KIF24: variants seen among roughly 807,000 people sequenced by gnomAD.
KIF24 encodes the protein kinesin-like protein KIF24.
A neutral mutation model predicts 118.9 loss-of-function variants in KIF24; 81 were observed. That is an observed-to-expected ratio of 0.68 (90% CI 0.57 to 0.82). The LOEUF (loss-of-function observed/expected upper bound fraction) is 0.82. KIF24 is among the 40% of genes least tolerant of loss of function. KIF24 has a pLI of 0.00. For missense variants in KIF24, 1,560 were observed against 1,661.6 expected (o/e 0.94, Z 1.06); for synonymous variants, 599 against 610.0 (o/e 0.98, Z 0.27).
intron 2 of KIF24, among the ~76,000 whole-genome samples, chr9:34,307,773 C>T (rs1836982923): frequency 6.8e-6 from 1 of 146,790 alleles, no homozygotes; most frequent in Non-Finnish European, 1.5e-5. Flanking sequence ...CTTAGCTGGG[C>T]ATGCTCACTT....
intron 6 of KIF24, among the ~76,000 whole-genome samples, chr9:34,284,463 T>C (rs777635054): frequency 2.6e-5 from 4 of 152,150 alleles, no homozygotes; most frequent in African/African-American, 4.8e-5. Flanking sequence ...GGAGAATGGA[T>C]AAATTGTGGT....
intron 3 of KIF24, among the ~76,000 whole-genome samples, chr9:34,302,458 C>T (rs1368445883): frequency 7.2e-6 from 1 of 139,680 alleles, no homozygotes; most frequent in Non-Finnish European, 1.6e-5. Flanking sequence ...TACATGTCAC[C>T]ACGCTTGGCA....
At chr9:34,329,950 T>G (rs1186232924), upstream of KIF24, among the ~76,000 whole-genome samples, 1 of 152,238 alleles carries the variant, frequency 6.6e-6, no homozygotes, top group African/African-American at 2.4e-5. Context: ...CAGTTTCACT[T>G]GTTGCTACCC....
At position 34,277,387 on chromosome 9, in the gene KIF24, T is replaced by C. The variant is rs539847551; in HGVS notation, c.1216-5457A>G. Among the ~76,000 whole-genome samples the C allele has an allele frequency of 3.7e-4, 57 of 152,352 alleles. 1 individual carries two copies. The highest frequency in any genetic ancestry group is 1.2e-3 in the African/African-American group (50 of 41,580). ...GGAATAGAAGCCAGATATCCTCTTCTACATGTGAGTAATGATGTTACTAAT... is the reference window on the plus strand; with the variant it reads ...GGAATAGAAGCCAGATATCCTCTTCCACATGTGAGTAATGATGTTACTAAT... On this transcript the variant is annotated intron_variant, in intron 6 of 12. Transcript: ENST00000402558.
intron 8 of KIF24, among the ~76,000 whole-genome samples, chr9:34,269,015 C>T (rs1835399213): frequency 6.6e-6 from 1 of 152,202 alleles, no homozygotes; most frequent in East Asian, 1.9e-4. Context: ...TGCAGAAATA[C>T]TTCTGTTCCT....
intron 9 of KIF24, among the ~76,000 whole-genome samples, chr9:34,261,295 C>T (rs1194100751): frequency 6.6e-6 from 1 of 152,196 alleles, no homozygotes; most frequent in Non-Finnish European, 1.5e-5. Flanking sequence ...CGAAAAAGAA[C>T]CCAGGACACC....
At chr9:34,296,235 A>AT (rs1836469911) in intron 4 of KIF24, among the ~76,000 whole-genome samples, 2 of 135,088 alleles carry the variant, frequency 1.5e-5, no homozygotes, top group South Asian at 4.7e-4. Flanking sequence ...AAAAAAAAAA[A>AT]CATCTATGAG....
intron 4 of KIF24, among the ~76,000 whole-genome samples, chr9:34,294,775 T>C (rs1357605317): frequency 6.6e-6 from 1 of 152,200 alleles, no homozygotes; most frequent in East Asian, 1.9e-4. Flanking sequence ...TCTATCTCTA[T>C]GATATTGTAG....
In KIF24 at chr9:34,252,474, TA is replaced by T. The variant is rs1834623532; in HGVS notation, c.*1905del. 1 of 151,760 alleles carries T rather than the reference TA, an allele frequency of 6.6e-6. No homozygotes were observed. The highest frequency in any genetic ancestry group is 2.5e-5 in the African/African-American group (1 of 40,686). The allele number at this position is 151,760 out of a possible 1,614,324, so 9.4% of individuals were successfully genotyped here. A position where few individuals can be genotyped will look rare whatever the true frequency, so the allele number is the denominator to read the frequency against. On this transcript the variant is annotated 3_prime_UTR_variant, in exon 13 of 13. Transcript: ENST00000402558. ...CTTGAATCTAAAATAATTTGCTAAC[TA>T]ACTATTTTGATTCTTCAGAGAGAAC...
At position 34,310,696 on chromosome 9, in the gene KIF24, C is replaced by G. The variant is rs1390674525; in HGVS notation, c.623+28G>C. On this transcript the variant is annotated intron_variant, in intron 2 of 12. Coordinates refer to ENST00000402558, the MANE Select transcript of KIF24 (RefSeq NM_194313.4). ...GCCCTTGCCTGAGGCTACTTTCCCTCAAAAGAAAGAAAGATAAAATTTATT... is the reference window on the plus strand; with the variant it reads ...GCCCTTGCCTGAGGCTACTTTCCCTGAAAAGAAAGAAAGATAAAATTTATT... 3 of 1,540,418 alleles carry G rather than the reference C, an allele frequency of 1.9e-6. No individual in the cohort carries two copies. In the East Asian group the frequency reaches 6.8e-5, roughly 35 times the overall value.
At chr9:34,258,042 T>A in intron 10 of KIF24, 61 bp from the exon 11 acceptor site, 1 of 1,294,070 alleles carries the variant, frequency 7.7e-7, no homozygotes, top group Non-Finnish European at 1.1e-6. Context: ...TCCTTTTCTA[T>A]AGCTTTCTGG....
rs531033832 is a variant in KIF24, at chr9:34,293,637, G to A, written c.912-3248C>T. Among the ~76,000 whole-genome samples, 13 of 152,106 alleles carry A rather than the reference G, an allele frequency of 8.5e-5. No individual in the cohort carries two copies. In the South Asian group the frequency reaches 1.9e-3, roughly 22 times the overall value. ...AAAAAATAGAAAAAATTAGCTGGGC[G>A]TGGTGGCGGGCACCTGCAGTCCCAG... On this transcript the variant is annotated intron_variant, in intron 4 of 12. Coordinates refer to ENST00000402558, the MANE Select transcript of KIF24 (RefSeq NM_194313.4).
Position 34,306,248 on chromosome 9 carries a change from A to C in KIF24, c.813+4T>G. On this transcript the variant is annotated splice_donor_region_variant and intron_variant, in intron 3 of 12. Coordinates refer to ENST00000402558, the MANE Select transcript of KIF24 (RefSeq NM_194313.4). Reference sequence around the variant, plus strand: ...GTTCCAAACATAAAACGAAAACATCATACCTGCAGAATATATTGAGTGAGG... The same window carrying C: ...GTTCCAAACATAAAACGAAAACATCCTACCTGCAGAATATATTGAGTGAGG... 1 of 1,568,030 alleles carries C rather than the reference A, an allele frequency of 6.4e-7. No homozygotes were observed. The highest frequency in any genetic ancestry group is 8.6e-7 in the Non-Finnish European group (1 of 1,156,758).
intron 10 of KIF24, among the ~76,000 whole-genome samples, chr9:34,259,277 C>T (rs1834967178): frequency 6.6e-6 from 1 of 152,210 alleles, no homozygotes; most frequent in South Asian, 2.1e-4. Flanking sequence ...AACACTGAGC[C>T]TTCCACCCAT....
chr9:34,310,167 A>T (rs940935548), intron 2 of KIF24, among the ~76,000 whole-genome samples: 1 of 152,148 alleles, frequency 6.6e-6, no homozygotes, highest in Non-Finnish European at 1.5e-5. Context: ...TGTAATCACC[A>T]AAATTATCTG....
At chr9:34,320,803 G>A (rs186304738) in intron 1 of KIF24, among the ~76,000 whole-genome samples, 29 of 152,048 alleles carry the variant, frequency 1.9e-4, no homozygotes, top group Non-Finnish European at 4.0e-4. Context: ...TTGAATTCAG[G>A]TTGCCAAAAT....
intron 3 of KIF24, among the ~76,000 whole-genome samples, chr9:34,302,933 G>T (rs923339850): frequency 1.3e-5 from 2 of 151,772 alleles, no homozygotes; most frequent in Non-Finnish European, 2.9e-5. Context: ...CTGCCAACAC[G>T]TCTGGCTAAT....
At position 34,329,221 on chromosome 9, in the gene KIF24, C is replaced by T. The variant is rs1349803267; in HGVS notation, c.-141G>A. Among the ~76,000 whole-genome samples the T allele has an allele frequency of 6.6e-6, 1 of 152,260 alleles. No individual in the cohort carries two copies. Among genetic ancestry groups the T allele is most frequent in the African/African-American group, 2.4e-5 (1 of 41,476 alleles). On this transcript the variant is annotated 5_prime_UTR_variant, in exon 1 of 13. Coordinates refer to ENST00000402558, the MANE Select transcript of KIF24 (RefSeq NM_194313.4). ...CCGTCAACCCGGGAGCCACCGGCGG[C>T]GGCCAGGCCGCATCTCCATGGCAAC...
chr9:34,284,119 T>A (rs1299911286), intron 6 of KIF24, among the ~76,000 whole-genome samples: 1 of 151,352 alleles, frequency 6.6e-6, no homozygotes, highest in Admixed American at 6.6e-5. Context: ...AATAAAAAAA[T>A]TAGCCAAGTG....
Sources: gnomAD v4.1 joint callset for allele counts (sites outside exome capture counted in the v4.1 genomes callset) on GRCh38, gnomAD v4.1.1 for gene constraint, MANE v1.5 for transcripts, NCBI Gene and HGNC (gene_info 2026-07-23, HGNC 2026-07-21) for gene names.